Variants in CNTNAP2 observed in about 807,000 individuals in gnomAD.
CNTNAP2 encodes contactin-associated protein-like 2.
In CNTNAP2, 98 loss-of-function variants were observed where a neutral mutation model predicts 155.2. The ratio of observed to expected loss-of-function variants is 0.63; its 90% CI spans 0.54 to 0.75. The LOEUF (loss-of-function observed/expected upper bound fraction) is 0.75. CNTNAP2 is among the 30% of genes least tolerant of loss of function. The probability of loss-of-function intolerance (pLI) is 0.00; values close to 1 mark genes in which losing one functional copy is unlikely to be tolerated. For missense variants in CNTNAP2, 1,727 were observed against 1,688.1 expected, an observed-to-expected ratio of 1.02 and a Z score of -0.40; for synonymous variants, 651 against 631.2, an observed-to-expected ratio of 1.03 and a Z score of -0.47.
At chr7:146,672,361 A>T (rs1358608503) in intron 1 of CNTNAP2, among the ~76,000 whole-genome samples, 1 of 152,202 alleles carries the variant, frequency 6.6e-6, no homozygotes, top group African/African-American at 2.4e-5. Flanking sequence ...TACATAGACA[A>T]TCATGTTATC....
chr7:147,458,757 G>T (rs775418231), intron 10 of CNTNAP2, among the ~76,000 whole-genome samples: 66 of 152,276 alleles, frequency 4.3e-4, no homozygotes, highest in Non-Finnish European at 8.5e-4. Context: ...AGATTTCCTA[G>T]TATCAATATA....
chr7:147,671,443 G>T (rs192680853), intron 13 of CNTNAP2, among the ~76,000 whole-genome samples: 6 of 152,280 alleles, frequency 3.9e-5, no homozygotes, highest in African/African-American at 1.4e-4. Flanking sequence ...ACAGAGTCAA[G>T]AACTCCATTT....
At chr7:148,031,738 C>G (rs4726915) in intron 15 of CNTNAP2, among the ~76,000 whole-genome samples, 1 of 151,970 alleles carries the variant, frequency 6.6e-6, no homozygotes, top group South Asian at 2.1e-4. Flanking sequence ...AAGGTATTTC[C>G]ATGTGCCGAA....
At chr7:148,246,079 ACT>A (rs1796257555) in intron 20 of CNTNAP2, among the ~76,000 whole-genome samples, 1 of 152,084 alleles carries the variant, frequency 6.6e-6, no homozygotes, top group African/African-American at 2.4e-5. Context: ...TTCTGAAGTC[ACT>A]CTCTATGTAA....
Position 147,094,637 on chromosome 7 carries a change from A to T in CNTNAP2, c.551-13510A>T, listed in dbSNP as rs540947485. The stretch of plus-strand genomic sequence containing the variant: ...TAGCCAGTATGATCTCTATCTCCTG[A>T]CCTCGTGATCCGCCTGTCTCGGCCT... On this transcript the variant is annotated intron_variant, in intron 4 of 23. Coordinates refer to ENST00000361727, the MANE Select transcript of CNTNAP2 (RefSeq NM_014141.6). Among the ~76,000 whole-genome samples, 15 of 150,794 alleles carry T rather than the reference A, an allele frequency of 9.9e-5. No homozygotes were observed. The South Asian group carries it at 3.2e-3, about 32-fold the overall frequency.
intron 9 of CNTNAP2, among the ~76,000 whole-genome samples, chr7:147,315,464 T>A (rs1026015466): frequency 6.9e-6 from 1 of 145,702 alleles, no homozygotes; most frequent in East Asian, 2.1e-4. Context: ...CTCTATGGAT[T>A]TGTTTATTCT....
At chr7:146,528,722 AC>A (rs759849497) in intron 1 of CNTNAP2, among the ~76,000 whole-genome samples, 6 of 152,146 alleles carry the variant, frequency 3.9e-5, no homozygotes, top group Non-Finnish European at 8.8e-5. Flanking sequence ...AAGACTGGCC[AC>A]ATAGTCATCA....
At chr7:146,485,488 A>C (rs946657890) in intron 1 of CNTNAP2, among the ~76,000 whole-genome samples, 1 of 152,200 alleles carries the variant, frequency 6.6e-6, no homozygotes, top group Non-Finnish European at 1.5e-5. Context: ...AAGTGGTAGA[A>C]TTGGATTTGA....
intron 15 of CNTNAP2, among the ~76,000 whole-genome samples, chr7:148,054,173 C>T (rs566221969): frequency 1.2e-4 from 19 of 152,104 alleles, no homozygotes; most frequent in East Asian, 5.8e-4. Flanking sequence ...AGGGTTTCAC[C>T]GTGTTAGCCA....
At chr7:146,774,182 G>T in intron 1 of CNTNAP2, 89 bp from the exon 2 acceptor site, 1 of 892,346 alleles carries the variant, frequency 1.1e-6, no homozygotes, top group South Asian at 1.4e-5. Context: ...AGACATATCA[G>T]ATTCAATGAT....
At chr7:147,587,452 A>G (rs1173283070) in intron 12 of CNTNAP2, among the ~76,000 whole-genome samples, 2 of 152,168 alleles carry the variant, frequency 1.3e-5, no homozygotes, top group South Asian at 2.1e-4. Flanking sequence ...TGTTTTCTGC[A>G]TGGCTGCTTT....
At position 147,885,688 on chromosome 7, in the gene CNTNAP2, C is replaced by T. The variant is rs962189768; in HGVS notation, c.2099-17877C>T. 5.3e-5 allele frequency among the ~76,000 whole-genome samples: 8 copies of T among 152,212 alleles called. No homozygotes were observed. The East Asian group carries it at 1.4e-3, about 26-fold the overall frequency. ...TTGATCACCTGAAACATGAGTCTGC[C>T]GCTCAGATGATTCTAATCCTCAAAT... On this transcript the variant is annotated intron_variant, in intron 13 of 23. Coordinates refer to ENST00000361727, the MANE Select transcript of CNTNAP2 (RefSeq NM_014141.6).
chr7:147,176,718 A>G (rs1802348145), intron 8 of CNTNAP2, among the ~76,000 whole-genome samples: 1 of 129,764 alleles, frequency 7.7e-6, no homozygotes, highest in African/African-American at 2.9e-5. Flanking sequence ...TAATAGAATT[A>G]TATATTATAT....
chr7:146,141,254 A>G (rs1797878007), intron 1 of CNTNAP2, among the ~76,000 whole-genome samples: 1 of 152,180 alleles, frequency 6.6e-6, no homozygotes, highest in Non-Finnish European at 1.5e-5. Flanking sequence ...TCTAGGTGTG[A>G]GTAAAACATC....
chr7:147,168,090 A>T (rs1024371755), intron 8 of CNTNAP2, among the ~76,000 whole-genome samples: 2 of 148,916 alleles, frequency 1.3e-5, no homozygotes, highest in Non-Finnish European at 3.0e-5. Flanking sequence ...TATATATGAC[A>T]CATATATGTA....
chr7:148,215,265 G>GA (rs1795616124), intron 18 of CNTNAP2, among the ~76,000 whole-genome samples: 1 of 151,808 alleles, frequency 6.6e-6, no homozygotes, highest in Non-Finnish European at 1.5e-5. Context: ...GTTTTTAAAG[G>GA]AAAAAAGGAG....
intron 1 of CNTNAP2, among the ~76,000 whole-genome samples, chr7:146,237,509 A>C (rs570077282): frequency 1.3e-5 from 2 of 152,362 alleles, no homozygotes; most frequent in South Asian, 4.1e-4. Flanking sequence ...TGATCTTCAC[A>C]TACAAACTAA....
At chr7:148,018,607 T>C (rs894107605) in intron 15 of CNTNAP2, among the ~76,000 whole-genome samples, 2 of 152,214 alleles carry the variant, frequency 1.3e-5, no homozygotes, top group African/African-American at 4.8e-5. Flanking sequence ...ATTCAGGGTA[T>C]GTTGGGAGAT....
At chr7:146,590,121 C>A (rs962265107) in intron 1 of CNTNAP2, among the ~76,000 whole-genome samples, 2 of 152,154 alleles carry the variant, frequency 1.3e-5, no homozygotes, top group Non-Finnish European at 2.9e-5. Flanking sequence ...GTTCCCACCA[C>A]ATTGACTTTT....
Sources: gnomAD v4.1 joint callset for allele counts (sites outside exome capture counted in the v4.1 genomes callset) on GRCh38, gnomAD v4.1.1 for gene constraint, MANE v1.5 for transcripts, NCBI Gene and HGNC (gene_info 2026-07-23, HGNC 2026-07-21) for gene names.